EHBP1: variants seen among roughly 807,000 people sequenced by gnomAD.
The protein encoded by EHBP1 is EH domain binding protein 1.
EHBP1 carries 55 observed loss-of-function variants against 144.0 expected under a neutral mutation model. The ratio of observed to expected loss-of-function variants is 0.38; its 90% confidence interval spans 0.31 to 0.48. EHBP1 has a LOEUF of 0.48. EHBP1 is among the 20% of genes least tolerant of loss of function. EHBP1 has a pLI of 0.98. For missense variants in EHBP1, 1,200 were observed against 1,364.2 expected (o/e 0.88, Z 1.90); for synonymous variants, 469 against 472.7 (o/e 0.99, Z 0.10).
chr2:62,898,651 T>C (rs2053143824), intron 10 of EHBP1, among the ~76,000 whole-genome samples: 1 of 152,184 alleles, frequency 6.6e-6, no homozygotes, highest in Non-Finnish European at 1.5e-5. Context: ...TCTTTATTTC[T>C]ATATCCTTAG....
At chr2:62,883,296 G>A (rs1383376783) in intron 10 of EHBP1, among the ~76,000 whole-genome samples, 1 of 152,144 alleles carries the variant, frequency 6.6e-6, no homozygotes, top group Non-Finnish European at 1.5e-5. Context: ...CTTGTAGCTT[G>A]AAAGTATGTG....
intron 3 of EHBP1, among the ~76,000 whole-genome samples, chr2:62,763,062 T>G (rs2040885380): frequency 6.6e-6 from 1 of 152,146 alleles, no homozygotes; most frequent in Admixed American, 6.6e-5. Context: ...CAGTTGCTGG[T>G]TTTTCTCCCT....
intron 19 of EHBP1, among the ~76,000 whole-genome samples, chr2:63,018,047 C>G (rs549477645): frequency 6.6e-6 from 1 of 152,240 alleles, no homozygotes; most frequent in East Asian, 1.9e-4. Context: ...GACTGTAGTT[C>G]CCAGCTACTC....
At chr2:62,824,636 G>A (rs949554739) in intron 5 of EHBP1, among the ~76,000 whole-genome samples, 1 of 151,930 alleles carries the variant, frequency 6.6e-6, no homozygotes, top group Admixed American at 6.6e-5. Context: ...TCAAGTGCTT[G>A]ATGCATTTTT....
intron 21 of EHBP1, among the ~76,000 whole-genome samples, chr2:63,041,829 A>G (rs1350228674): frequency 6.6e-6 from 1 of 152,200 alleles, no homozygotes; most frequent in Admixed American, 6.5e-5. Context: ...TCAAAGTGCC[A>G]GGCTTATTTA....
chr2:62,688,351 A>T (rs1370497000), intron 1 of EHBP1, among the ~76,000 whole-genome samples: 2 of 152,020 alleles, frequency 1.3e-5, no homozygotes, highest in African/African-American at 2.4e-5. Context: ...TTTATTAAAA[A>T]TTTTTTTCAT....
chr2:62,860,994 A>G (rs1397994071), intron 8 of EHBP1, among the ~76,000 whole-genome samples: 1 of 151,686 alleles, frequency 6.6e-6, no homozygotes, highest in Non-Finnish European at 1.5e-5. Flanking sequence ...ATTTATCTTT[A>G]TTGATTAAAA....
At chr2:63,044,525 T>G (rs989896230) in intron 21 of EHBP1, 1 of 152,106 alleles carries the variant, frequency 6.6e-6, no homozygotes, top group Non-Finnish European at 1.5e-5. Flanking sequence ...AAAGTTATTG[T>G]GAAGCATATG....
Position 62,942,647 on chromosome 2 carries a change from A to C in EHBP1, c.1186-71A>C, listed in dbSNP as rs542112906. 651 of 1,363,614 alleles carry C rather than the reference A, an allele frequency of 4.8e-4. 2 individuals carry two copies. Among genetic ancestry groups the C allele is most frequent in the Non-Finnish European group, 6.2e-4 (620 of 999,056 alleles). 84.5% of individuals were successfully genotyped at this position (1,363,614 alleles called of 1,614,324 possible). A position where few individuals can be genotyped will look rare whatever the true frequency, so the allele number is the denominator to read the frequency against. Reference sequence around the variant, plus strand: ...ATCAAAGGGTTCAAATGATCTGATTAGGTCAATTAATGTTAATTTTCATCT... The same window carrying C: ...ATCAAAGGGTTCAAATGATCTGATTCGGTCAATTAATGTTAATTTTCATCT... On this transcript the variant is annotated intron_variant, in intron 10 of 22. Transcript: ENST00000431489.
chr2:62,846,380 C>T (rs1431188800), intron 7 of EHBP1, among the ~76,000 whole-genome samples: 1 of 152,070 alleles, frequency 6.6e-6, no homozygotes. Context: ...TTAGTTTAAC[C>T]ACATTAATAA....
At chr2:63,017,289 G>T (rs1559071685) in intron 19 of EHBP1, among the ~76,000 whole-genome samples, 1 of 152,152 alleles carries the variant, frequency 6.6e-6, no homozygotes, top group Non-Finnish European at 1.5e-5. Context: ...CTCCCAAAGT[G>T]CTGGGATTAC....
intron 2 of EHBP1, among the ~76,000 whole-genome samples, chr2:62,734,604 T>C (rs2037933916): frequency 1.3e-5 from 2 of 152,350 alleles, no homozygotes; most frequent in South Asian, 4.1e-4. Flanking sequence ...TTTGAACCTC[T>C]GACAATCTTT....
chr2:62,850,686 T>A (rs2048633802), intron 7 of EHBP1, among the ~76,000 whole-genome samples: 1 of 152,144 alleles, frequency 6.6e-6, no homozygotes, highest in African/African-American at 2.4e-5. Flanking sequence ...AAGTATTATA[T>A]AAATATATTG....
chr2:62,796,808 T>C (rs948002007), intron 5 of EHBP1, among the ~76,000 whole-genome samples: 1 of 151,870 alleles, frequency 6.6e-6, no homozygotes, highest in Non-Finnish European at 1.5e-5. Flanking sequence ...CTTAAACACC[T>C]CTTTCCATGA....
intron 19 of EHBP1, among the ~76,000 whole-genome samples, chr2:63,005,284 G>T (rs1299690049): frequency 1.3e-5 from 2 of 152,036 alleles, no homozygotes; most frequent in Non-Finnish European, 2.9e-5. Flanking sequence ...ATTATCTTCA[G>T]TGAAGTCTGC....
intron 6 of EHBP1, among the ~76,000 whole-genome samples, chr2:62,829,122 A>G (rs1448198156): frequency 7.9e-5 from 12 of 152,108 alleles, no homozygotes; most frequent in Non-Finnish European, 1.5e-5. Context: ...TCTTAAAAAA[A>G]AGAAAAAAAA....
intron 2 of EHBP1, among the ~76,000 whole-genome samples, chr2:62,740,921 G>C (rs1326642377): frequency 1.3e-5 from 2 of 152,132 alleles, no homozygotes; most frequent in Non-Finnish European, 2.9e-5. Context: ...AACTATTATT[G>C]TTATGTGTTT....
chr2:62,772,737 A>G lies in EHBP1; in HGVS notation c.312+1345A>G, dbSNP rs1180410450. ...ATTGCCATCATCATCATGACTGTTC[A>G]TCGTGATAATTGTTAAAGTTCTAAA... On this transcript the variant is annotated intron_variant, in intron 5 of 22. Coordinates refer to ENST00000431489, the MANE Select transcript of EHBP1 (RefSeq NM_001142616.3). Among the ~76,000 whole-genome samples the G allele has an allele frequency of 2.6e-5, 4 of 152,224 alleles. No homozygotes were observed. The East Asian group carries it at 7.7e-4, about 29-fold the overall frequency.
intron 19 of EHBP1, among the ~76,000 whole-genome samples, chr2:63,034,619 T>G (rs2061386519): frequency 6.6e-6 from 1 of 152,000 alleles, no homozygotes; most frequent in South Asian, 2.1e-4. Flanking sequence ...ATACAACCTC[T>G]TTTTCTTTTT....
Sources: gnomAD v4.1 joint callset for allele counts (sites outside exome capture counted in the v4.1 genomes callset) on GRCh38, gnomAD v4.1.1 for gene constraint, MANE v1.5 for transcripts, NCBI Gene and HGNC (gene_info 2026-07-23, HGNC 2026-07-21) for gene names.